Variants in ST3GAL3 observed in about 807,000 individuals in gnomAD.
The protein encoded by ST3GAL3 is CMP-N-acetylneuraminate-beta-1,4-galactoside alpha-2,3-sialyltransferase.
A neutral mutation model predicts 50.1 loss-of-function variants in ST3GAL3; 21 were observed. The ratio of observed to expected loss-of-function variants is 0.42; its 90% CI spans 0.30 to 0.60. The LOEUF is 0.60. Ranked by LOEUF, ST3GAL3 falls within the 20% of genes least tolerant of loss-of-function variation. ST3GAL3 has a pLI of 0.19. For synonymous variants in ST3GAL3, 183 were observed against 190.0 expected (o/e 0.96, Z 0.30); for missense variants, 353 against 489.4 (o/e 0.72, Z 2.63).
intron 1 of ST3GAL3, among the ~76,000 whole-genome samples, chr1:43,733,314 T>C (rs1676764100): frequency 1.3e-5 from 2 of 152,178 alleles, no homozygotes; most frequent in Admixed American, 1.3e-4. Flanking sequence ...TTCAGAAGTG[T>C]ACAAAGGGAA....
chr1:43,778,868 C>T (rs1005840282), intron 2 of ST3GAL3, among the ~76,000 whole-genome samples: 6 of 152,070 alleles, frequency 3.9e-5, no homozygotes, highest in African/African-American at 9.6e-5. Flanking sequence ...AGGATGGTCT[C>T]GACCTCCTAA....
At chr1:43,872,264 G>A (rs1276868099) in intron 5 of ST3GAL3, among the ~76,000 whole-genome samples, 3 of 114,026 alleles carry the variant, frequency 2.6e-5, no homozygotes, top group Non-Finnish European at 5.6e-5. Context: ...TGGGGGGAAG[G>A]GGGGAGGGGC....
Position 43,775,533 on chromosome 1 carries a change from G to A in ST3GAL3, c.119-16569G>A, listed in dbSNP as rs1696880946. On this transcript the variant is annotated intron_variant, in intron 2 of 11. Transcript: ENST00000347631. Reference sequence around the variant, plus strand: ...CAGGTGTGAGCCACCGCACTCAGCCGGAAATCTGAATTTTTATGTGAAATC... The same window carrying A: ...CAGGTGTGAGCCACCGCACTCAGCCAGAAATCTGAATTTTTATGTGAAATC... 3.9e-5 allele frequency among the ~76,000 whole-genome samples: 6 copies of A among 152,158 alleles called. No homozygotes were observed. The South Asian group carries it at 1.2e-3, about 32-fold the overall frequency.
intron 1 of ST3GAL3, among the ~76,000 whole-genome samples, chr1:43,719,771 A>G (rs111854184): frequency 0.048 from 7,350 of 151,806 alleles, 253 homozygotes; most frequent in Non-Finnish European, 0.069. Context: ...CGTCTCTACT[A>G]AAAATACAAA....
intron 2 of ST3GAL3, among the ~76,000 whole-genome samples, chr1:43,757,565 G>A (rs905279017): frequency 2.0e-5 from 3 of 152,152 alleles, no homozygotes; most frequent in African/African-American, 7.2e-5. Context: ...AGAAAGTATA[G>A]TCTTTTCAAT....
intron 2 of ST3GAL3, among the ~76,000 whole-genome samples, chr1:43,783,011 C>T (rs1699854804): frequency 6.6e-6 from 1 of 151,998 alleles, no homozygotes. Context: ...ATGCTGCTTT[C>T]CTAAAATCTG....
chr1:43,744,035 T>C (rs577960367), intron 2 of ST3GAL3, among the ~76,000 whole-genome samples: 16 of 152,308 alleles, frequency 1.1e-4, no homozygotes, highest in African/African-American at 3.6e-4. Context: ...TATATTCCAG[T>C]AACTTAATTT....
At chr1:43,844,345 A>T (rs1277263358) in intron 5 of ST3GAL3, among the ~76,000 whole-genome samples, 2 of 152,204 alleles carry the variant, frequency 1.3e-5, no homozygotes, top group Admixed American at 1.3e-4. Flanking sequence ...TCCCCTGCCA[A>T]CCAGCACCCA....
At chr1:43,917,660 TA>T (rs1391134871) in intron 9 of ST3GAL3, among the ~76,000 whole-genome samples, 24 of 56,732 alleles carry the variant, frequency 4.2e-4, no homozygotes, top group Non-Finnish European at 8.1e-4. Flanking sequence ...ATATAATATA[TA>T]ATATATATTA....
intron 2 of ST3GAL3, among the ~76,000 whole-genome samples, chr1:43,754,554 T>C (rs1687358624): frequency 6.6e-6 from 1 of 152,166 alleles, no homozygotes; most frequent in Non-Finnish European, 1.5e-5. Context: ...AGAAAGGGCA[T>C]ACAGGCTCGT....
At chr1:43,879,889 C>T (rs1241691877) in intron 5 of ST3GAL3, among the ~76,000 whole-genome samples, 3 of 152,204 alleles carry the variant, frequency 2.0e-5, no homozygotes, top group African/African-American at 2.4e-5. Flanking sequence ...AGGGCCCAAA[C>T]GTGGTTGGAT....
chr1:43,777,201 A>T (rs1054043157), intron 2 of ST3GAL3, among the ~76,000 whole-genome samples: 14 of 152,162 alleles, frequency 9.2e-5, no homozygotes, highest in African/African-American at 2.2e-4. Flanking sequence ...GATCTTTTTT[A>T]AAAAAGCCAA....
intron 6 of ST3GAL3, chr1:43,896,816 A>G (rs2154268844): frequency 6.6e-6 from 1 of 152,290 alleles, no homozygotes; most frequent in East Asian, 1.9e-4. Flanking sequence ...AAGTGCTGGG[A>G]TTACAGGTGT....
intron 1 of ST3GAL3, among the ~76,000 whole-genome samples, chr1:43,724,330 C>T (rs893295987): frequency 2.6e-5 from 4 of 151,896 alleles, no homozygotes; most frequent in African/African-American, 9.7e-5. Context: ...CCTGCTTCAG[C>T]CCCATGAGTA....
At chr1:43,823,921 A>G (rs2062434287) in intron 4 of ST3GAL3, among the ~76,000 whole-genome samples, 1 of 152,184 alleles carries the variant, frequency 6.6e-6, no homozygotes, top group South Asian at 2.1e-4. Flanking sequence ...CCTGGCTCCA[A>G]ACTTTTTTAC....
chr1:43,835,461 C>T (rs931835003), intron 4 of ST3GAL3, among the ~76,000 whole-genome samples: 13 of 152,104 alleles, frequency 8.5e-5, no homozygotes, highest in Non-Finnish European at 1.8e-4. Context: ...GAGTTACTGT[C>T]GCTTTCTAAA....
In ST3GAL3 at chr1:43,894,432, G is replaced by T. The variant is rs762383047; in HGVS notation, c.352G>T (p.Ala118Ser). The stretch of plus-strand genomic sequence containing the variant: ...CCTGGATGACTCCTTTCGCAAGTGG[G>T]CTAGAATCCGGGAGTTCGTGCCGCC... Reference protein sequence around the residue: ...MFLDDSFRKWARIREFVPPFG... With the variant: ...MFLDDSFRKWSRIREFVPPFG... The change falls in exon 6 of 12, where the codon GCT (alanine) becomes TCT (serine). Residue 118 changes from alanine to serine, a missense_variant. Physicochemically the swap from Ala to Ser is moderately conservative, Grantham distance 99. Coordinates refer to ENST00000347631, the MANE Select transcript of ST3GAL3 (RefSeq NM_006279.5). The T allele has an allele frequency of 1.9e-6, 3 of 1,614,156 alleles. No individual in the cohort carries two copies. Among genetic ancestry groups the T allele is most frequent in the Non-Finnish European group, 2.5e-6 (3 of 1,180,024 alleles).
intron 4 of ST3GAL3, among the ~76,000 whole-genome samples, chr1:43,829,597 C>T (rs1329648398): frequency 6.6e-6 from 1 of 152,168 alleles, no homozygotes; most frequent in East Asian, 1.9e-4. Flanking sequence ...TTTGTTCTGT[C>T]AGTACTACTG....
intron 3 of ST3GAL3, among the ~76,000 whole-genome samples, chr1:43,795,894 T>C (rs907485271): frequency 2.0e-5 from 3 of 152,218 alleles, no homozygotes; most frequent in African/African-American, 7.2e-5. Context: ...TTCCCTTCAG[T>C]GTCCCATGTC....
Sources: gnomAD v4.1 joint callset for allele counts (sites outside exome capture counted in the v4.1 genomes callset) on GRCh38, gnomAD v4.1.1 for gene constraint, MANE v1.5 for transcripts, NCBI Gene and HGNC (gene_info 2026-07-23, HGNC 2026-07-21) for gene names.